The following GRN variants were observed in gnomAD, a reference collection of about 807,000 sequenced individuals.
GRN encodes the protein granulin precursor, also known as progranulin.
A neutral mutation model predicts 66.7 loss-of-function variants in GRN; 30 were observed. That is an observed-to-expected ratio of 0.45 (90% confidence interval 0.34 to 0.61). GRN has a LOEUF of 0.61. Ranked by LOEUF, GRN falls within the 20% of genes least tolerant of loss-of-function variation. The pLI is 0.01. For synonymous variants in GRN, 327 were observed against 311.1 expected (o/e 1.05, Z -0.54); for missense variants, 731 against 803.5 (o/e 0.91, Z 1.09).
Position 44,350,239 on chromosome 17 carries a change from G to GT in GRN, c.362dup (p.Ala123CysfsTer6). ...CATCTTGTCCACAGGTAACAACTCC[G>GT]TGGGTGCCATCCAGTGCCCTGATAG... On this transcript the variant is annotated frameshift_variant, in exon 5 of 13. Transcript: ENST00000053867. LOFTEE classifies it high-confidence loss of function. 6.2e-7 allele frequency: 1 copy of GT among 1,612,718 alleles called. No individual in the cohort carries two copies. The highest frequency in any genetic ancestry group is 1.1e-5 in the South Asian group (1 of 91,064).
chr17:44,352,304 G>A (rs761708338), intron 11 of GRN, 37 bp from the exon 12 acceptor site: 14 of 1,604,482 alleles, frequency 8.7e-6, no homozygotes, highest in Non-Finnish European at 1.2e-5. Flanking sequence ...TGAGGGGACA[G>A]GAACATAATG....
chr17:44,347,927 CAAA>C (rs398030919), intron 1 of GRN, among the ~76,000 whole-genome samples: 50 of 109,362 alleles, frequency 4.6e-4, no homozygotes, highest in East Asian at 3.4e-3. Context: ...AAGACTGTCT[CAAA>C]AAAAAAAAAA....
intron 7 of GRN, 73 bp from the exon 8 acceptor site, chr17:44,350,964 G>T: frequency 6.4e-7 from 1 of 1,553,792 alleles, no homozygotes; most frequent in South Asian, 1.1e-5. Flanking sequence ...GGCAGTGCCA[G>T]CCATCAGCCT....
Position 44,352,503 on chromosome 17 carries a change from T to G in GRN, c.1576T>G (p.Phe526Val). The G allele has an allele frequency of 6.2e-7, 1 of 1,613,540 alleles. No homozygotes were observed. Among genetic ancestry groups the G allele is most frequent in the Non-Finnish European group, 8.5e-7 (1 of 1,179,894 alleles). ...VKDVECGEGH[F>V]CHDNQTCCRD... ...GGACGTGGAGTGTGGGGAAGGACAC[T>G]TCTGCCATGATAACCAGACCTGCTG... The change falls in exon 12 of 13, where the codon TTC becomes GTC. Residue 526 changes from phenylalanine to valine, a missense_variant. This residue lies in a region of GRN where 319 missense variants were observed against 347.2 expected (regional missense o/e 0.92). Transcript: ENST00000053867.
At position 44,351,422 on chromosome 17, in the gene GRN, C is replaced by T. The variant is rs780359489; in HGVS notation, c.895C>T (p.Leu299=). The T allele has an allele frequency of 5.6e-6, 9 of 1,610,146 alleles. No individual in the cohort carries two copies. Among genetic ancestry groups the T allele is most frequent in the Non-Finnish European group, 7.6e-6 (9 of 1,177,598 alleles). The change falls in exon 9 of 13, where the codon CTA becomes TTA. Residue 299 remains leucine (L), a synonymous_variant. Coordinates refer to ENST00000053867, the MANE Select transcript of GRN (RefSeq NM_002087.4). ...SCPDGYTCCR[L]QSGAWGCCPF... ...CCCAGATGGCTATACCTGCTGCCGT[C>T]TACAGTCGGGGGCCTGGGGCTGCTG...
At chr17:44,347,967 A>T (rs2048338118) in intron 1 of GRN, among the ~76,000 whole-genome samples, 1 of 149,762 alleles carries the variant, frequency 6.7e-6, no homozygotes, top group Non-Finnish European at 1.5e-5. Flanking sequence ...ACGTGGTGGC[A>T]CGCTCCCACA....
In GRN at chr17:44,349,914, T is replaced by G. The variant is rs147608773; in HGVS notation, c.349+163T>G. The G allele has an allele frequency of 6.8e-4, 448 of 658,818 alleles. 2 individuals carry two copies. In the African/African-American group the frequency reaches 7.1e-3, roughly 10 times the overall value. 40.8% of individuals were successfully genotyped at this position (658,818 alleles called of 1,614,324 possible). A position where few individuals can be genotyped will look rare whatever the true frequency, so the allele number is the denominator to read the frequency against. ...CCTGCTGTGGACAGAGGGGCAGCACTGGGGATAGGAGGGTGCGGGAGAAAG... is the reference window on the plus strand; with the variant it reads ...CCTGCTGTGGACAGAGGGGCAGCACGGGGGATAGGAGGGTGCGGGAGAAAG... On this transcript the variant is annotated intron_variant, in intron 4 of 12. Transcript: ENST00000053867.
In GRN at chr17:44,352,679, C is replaced by A; in HGVS notation, c.1663C>A (p.Arg555=). ...CATCCAGGGCGTCTGTTGTGCTGAT[C>A]GGCGCCACTGCTGTCCTGCTGGCTT... ...PYRQGVCCAD[R]RHCCPAGFRC... is the part of the protein sequence containing the mutation. The change falls in exon 13 of 13, where the codon CGG becomes AGG. Residue 555 remains arginine, a synonymous_variant. Coordinates refer to ENST00000053867, the MANE Select transcript of GRN (RefSeq NM_002087.4). 1 of 1,610,026 alleles carries A rather than the reference C, an allele frequency of 6.2e-7. No homozygotes were observed. The highest frequency in any genetic ancestry group is 8.5e-7 in the Non-Finnish European group (1 of 1,180,000).
intron 1 of GRN, among the ~76,000 whole-genome samples, chr17:44,348,562 G>A (rs555999893): frequency 4.1e-4 from 62 of 152,356 alleles, no homozygotes; most frequent in Admixed American, 1.5e-3. Flanking sequence ...CTCTGGGGAA[G>A]GCAGCCCAGA....
rs1346913292 is a variant in GRN, at chr17:44,351,228, A to G, written c.835+65A>G. The G allele has an allele frequency of 3.8e-6, 6 of 1,591,634 alleles. No homozygotes were observed. The Admixed American group carries it at 8.3e-5, about 22-fold the overall frequency. On this transcript the variant is annotated intron_variant, in intron 8 of 12. Coordinates refer to ENST00000053867, the MANE Select transcript of GRN (RefSeq NM_002087.4). ...TTTCCTCCCTTTTAGGCCTGGCCTT[A>G]GGATCACTGCAAGGTGGTGTAAGCG... is the stretch of plus-strand genomic sequence containing the variant.
intron 1 of GRN, among the ~76,000 whole-genome samples, chr17:44,347,931 A>G (rs2048337546): frequency 7.2e-6 from 1 of 138,572 alleles, no homozygotes; most frequent in African/African-American, 2.6e-5. Context: ...CTGTCTCAAA[A>G]AAAAAAAAAA....
In GRN at chr17:44,349,654, C is replaced by T; in HGVS notation, c.265-13C>T. On this transcript the variant is annotated splice_polypyrimidine_tract_variant and intron_variant, in intron 3 of 12. Coordinates refer to ENST00000053867, the MANE Select transcript of GRN (RefSeq NM_002087.4). ...AAGGGCCCTGCCAATGCAGGTTTCT[C>T]TGTGTTCCACAGGCCGTGGCATGCG... 6.2e-7 allele frequency: 1 copy of T among 1,612,952 alleles called. No homozygotes were observed. The highest frequency in any genetic ancestry group is 8.5e-7 in the Non-Finnish European group (1 of 1,178,958).
intron 4 of GRN, 52 bp from the exon 5 acceptor site, chr17:44,350,176 G>T (rs115172611): frequency 2.4e-6 from 3 of 1,231,560 alleles, no homozygotes; most frequent in African/African-American, 1.5e-5. Context: ...TGTGATGGGG[G>T]AGTCACCTTC....
Position 44,350,709 on chromosome 17 carries a change from T to G in GRN, c.617T>G (p.Val206Gly). ...CTTCCAGTGGCCTTGTCCAGCTCGG[T>G]CATGTGTCCGGACGCACGGTCCCGG... is the stretch of plus-strand genomic sequence containing the variant. Reference protein sequence around the residue: ...TNRAVALSSSVMCPDARSRCP... With the variant: ...TNRAVALSSSGMCPDARSRCP... Residue 206 changes from valine to glycine, a missense_variant, in exon 7 of 13, where the codon GTC becomes GGC. This residue lies in a region of GRN where 370 missense variants were observed against 379.8 expected (regional missense o/e 0.97). Transcript: ENST00000053867. 1 of 1,614,002 alleles carries G rather than the reference T, an allele frequency of 6.2e-7. No homozygotes were observed. The highest frequency in any genetic ancestry group is 2.2e-5 in the East Asian group (1 of 44,874).
chr17:44,352,375 C>G lies in GRN; in HGVS notation c.1448C>G (p.Pro483Arg). ...VCCEDRQHCCPAGYTCNVKAR... is the reference protein window; with the variant it reads ...VCCEDRQHCCRAGYTCNVKAR... Reference sequence around the variant, plus strand: ...TGCGAGGATCGCCAGCACTGCTGCCCGGCTGGCTACACCTGCAACGTGAAG... The same window carrying G: ...TGCGAGGATCGCCAGCACTGCTGCCGGGCTGGCTACACCTGCAACGTGAAG... Residue 483 changes from proline to arginine, a missense_variant, in exon 12 of 13, where the codon CCG becomes CGG. This residue lies in a region of GRN where 319 missense variants were observed against 347.2 expected (regional missense o/e 0.92). Coordinates refer to ENST00000053867, the MANE Select transcript of GRN (RefSeq NM_002087.4). The G allele has an allele frequency of 6.2e-7, 1 of 1,613,726 alleles. No individual in the cohort carries two copies. Among genetic ancestry groups the G allele is most frequent in the Non-Finnish European group, 8.5e-7 (1 of 1,179,984 alleles).
chr17:44,350,029 C>A, intron 4 of GRN, 199 bp from the exon 5 acceptor site: 1 of 666,530 alleles, frequency 1.5e-6, no homozygotes, highest in Non-Finnish European at 2.7e-6. Flanking sequence ...GGTGCCCCTT[C>A]CCCATGCCAT....
chr17:44,350,895 G>A, intron 7 of GRN, 95 bp downstream of exon 7: 1 of 1,401,748 alleles, frequency 7.1e-7, no homozygotes, highest in South Asian at 1.2e-5. Flanking sequence ...GGGCTGGCTG[G>A]CTGCTTGCTG....
intron 1 of GRN, among the ~76,000 whole-genome samples, chr17:44,347,206 G>A (rs2048332292): frequency 1.3e-5 from 2 of 152,168 alleles, no homozygotes; most frequent in South Asian, 4.1e-4. Context: ...ACTATCTGTA[G>A]ATGTTCAGTA....
intron 1 of GRN, among the ~76,000 whole-genome samples, chr17:44,347,771 G>A (rs942553626): frequency 1.3e-5 from 2 of 151,680 alleles, no homozygotes; most frequent in Non-Finnish European, 2.9e-5. Context: ...GACCAATATG[G>A]TGAAACCCCC....
Sources: allele counts gnomAD v4.1 joint callset (sites outside exome capture counted in the v4.1 genomes callset), GRCh38; gene constraint gnomAD v4.1.1; regional missense constraint gnomAD v4.1.1; transcripts MANE v1.5; gene names NCBI Gene and HGNC (gene_info 2026-07-23, HGNC 2026-07-21).